Variants in CNTNAP2 observed in about 807,000 individuals in gnomAD.
The protein encoded by CNTNAP2 is contactin-associated protein-like 2.
CNTNAP2 carries 98 observed loss-of-function variants against 155.2 expected under a neutral mutation model. That is an observed-to-expected ratio of 0.63 (90% CI 0.54 to 0.75). CNTNAP2 has a LOEUF of 0.75. Among genes scored for constraint, CNTNAP2 ranks in the 30% least tolerant of loss-of-function variants. CNTNAP2 has a pLI of 0.00. For synonymous variants in CNTNAP2, 651 were observed against 631.2 expected, an observed-to-expected ratio of 1.03 and a Z score of -0.47; for missense variants, 1,727 against 1,688.1, an observed-to-expected ratio of 1.02 and a Z score of -0.40.
chr7:147,225,738 GGAAA>G (rs1487309937), intron 8 of CNTNAP2, among the ~76,000 whole-genome samples: 11 of 128,838 alleles, frequency 8.5e-5, no homozygotes, highest in South Asian at 7.8e-4. Context: ...AAGTTAGGAA[GGAAA>G]GAAGGAAGGA....
At chr7:147,106,648 A>G (rs768837307) in intron 4 of CNTNAP2, among the ~76,000 whole-genome samples, 27 of 152,192 alleles carry the variant, frequency 1.8e-4, no homozygotes, top group Non-Finnish European at 3.4e-4. Context: ...TTGAGATACT[A>G]GCATAGATAT....
intron 15 of CNTNAP2, among the ~76,000 whole-genome samples, chr7:147,983,537 G>A (rs1207428269): frequency 1.3e-5 from 2 of 152,196 alleles, no homozygotes; most frequent in Non-Finnish European, 2.9e-5. Context: ...CCAAGGTACA[G>A]GCTCAAGAGG....
At chr7:147,664,470 T>C (rs542569058) in intron 13 of CNTNAP2, among the ~76,000 whole-genome samples, 1 of 152,328 alleles carries the variant, frequency 6.6e-6, no homozygotes, top group East Asian at 1.9e-4. Context: ...CTCCTTGCAT[T>C]CTTTTGGTTT....
At chr7:147,003,484 A>G (rs1798466717) in intron 3 of CNTNAP2, among the ~76,000 whole-genome samples, 2 of 152,062 alleles carry the variant, frequency 1.3e-5, no homozygotes, top group Admixed American at 1.3e-4. Context: ...CAAAAAAGGC[A>G]GGATAACTAA....
rs555015008 is a variant in CNTNAP2 at position 147,904,328 on chromosome 7, G to T, written c.2255+607G>T. Among the ~76,000 whole-genome samples, 50 of 152,264 alleles carry T rather than the reference G, an allele frequency of 3.3e-4. 1 individual carries two copies. The highest frequency in any genetic ancestry group is 1.1e-3 in the African/African-American group (47 of 41,550). On this transcript the variant is annotated intron_variant, in intron 14 of 23. Transcript: ENST00000361727. ...TTCTTCGATCCCTTTGCTGGCTTTT[G>T]TTCTGCCCCGCAGTGAATAGCTGGG...
chr7:146,655,728 G>C (rs1799986158), intron 1 of CNTNAP2, among the ~76,000 whole-genome samples: 1 of 152,028 alleles, frequency 6.6e-6, no homozygotes, highest in East Asian at 1.9e-4. Context: ...AAAATGTATT[G>C]CTATTTGATT....
intron 15 of CNTNAP2, among the ~76,000 whole-genome samples, chr7:147,981,007 A>T (rs1234085221): frequency 6.6e-6 from 1 of 151,094 alleles, no homozygotes; most frequent in East Asian, 1.9e-4. Flanking sequence ...TATCAACTGC[A>T]TTTTCCAGTT....
intron 1 of CNTNAP2, among the ~76,000 whole-genome samples, chr7:146,354,411 A>ATTTTTTTT (rs10641636): frequency 8.9e-5 from 12 of 135,346 alleles, no homozygotes; most frequent in Non-Finnish European, 9.4e-5. Flanking sequence ...TCTTGTTAGT[A>ATTTTTTTT]TTTTTTTTTT....
At chr7:148,346,582 G>T (rs1001551659) in intron 21 of CNTNAP2, among the ~76,000 whole-genome samples, 2 of 151,922 alleles carry the variant, frequency 1.3e-5, no homozygotes, top group Non-Finnish European at 2.9e-5. Context: ...GACCAGCCCG[G>T]CCAACATGGT....
At chr7:148,228,332 GT>G (rs970690682) in intron 19 of CNTNAP2, among the ~76,000 whole-genome samples, 1 of 151,984 alleles carries the variant, frequency 6.6e-6, no homozygotes, top group Non-Finnish European at 1.5e-5. Context: ...TTTCAATATT[GT>G]TTTTTATTGT....
chr7:147,593,466 G>T (rs1469516267), intron 12 of CNTNAP2, among the ~76,000 whole-genome samples: 1 of 151,818 alleles, frequency 6.6e-6, no homozygotes, highest in East Asian at 1.9e-4. Context: ...GATTTCACAG[G>T]TTCTTCAGTT....
intron 1 of CNTNAP2, among the ~76,000 whole-genome samples, chr7:146,330,795 C>T (rs1801172401): frequency 6.6e-6 from 1 of 152,122 alleles, no homozygotes; most frequent in Non-Finnish European, 1.5e-5. Context: ...AAGGCAGCTA[C>T]AATTTTTAAA....
In CNTNAP2 at chr7:146,758,336, C is replaced by T. The variant is rs539289951; in HGVS notation, c.98-15935C>T. On this transcript the variant is annotated intron_variant, in intron 1 of 23. Coordinates refer to ENST00000361727, the MANE Select transcript of CNTNAP2 (RefSeq NM_014141.6). The stretch of plus-strand genomic sequence containing the variant: ...ATCTCTAGATTGTAGTGCTTCTCTT[C>T]TCATGCACTCCTGGCTGTGTGAACA... Among the ~76,000 whole-genome samples, 8 of 152,238 alleles carry T rather than the reference C, an allele frequency of 5.3e-5. No individual in the cohort carries two copies. In the East Asian group the frequency reaches 1.5e-3, roughly 29 times the overall value.
intron 1 of CNTNAP2, among the ~76,000 whole-genome samples, chr7:146,754,794 ATCTGTT>A (rs72282842): frequency 0.033 from 4,937 of 151,824 alleles, 265 homozygotes; most frequent in African/African-American, 0.11. Context: ...TTTTTAGGTG[ATCTGTT>A]TCTAAGAAGT....
intron 13 of CNTNAP2, among the ~76,000 whole-genome samples, chr7:147,684,965 T>C (rs972213069): frequency 2.6e-5 from 4 of 152,006 alleles, no homozygotes; most frequent in African/African-American, 9.7e-5. Context: ...GTTTTACAGA[T>C]GGGTAGATCA....
At chr7:146,180,922 T>C (rs570671581) in intron 1 of CNTNAP2, among the ~76,000 whole-genome samples, 47 of 152,302 alleles carry the variant, frequency 3.1e-4, no homozygotes, top group Non-Finnish European at 5.0e-4. Flanking sequence ...TTGTAGACTG[T>C]GTTTGAACAC....
chr7:146,350,133 C>T (rs1483363955), intron 1 of CNTNAP2, among the ~76,000 whole-genome samples: 1 of 152,164 alleles, frequency 6.6e-6, no homozygotes, highest in African/African-American at 2.4e-5. Context: ...GGTCTTTTCA[C>T]ATAGTCCCAT....
At chr7:146,393,793 T>C (rs1303231354) in intron 1 of CNTNAP2, among the ~76,000 whole-genome samples, 2 of 152,148 alleles carry the variant, frequency 1.3e-5, no homozygotes, top group Non-Finnish European at 2.9e-5. Context: ...TTTTTCTGGA[T>C]GGTGAATACA....
At chr7:147,754,304 A>G (rs1797184633) in intron 13 of CNTNAP2, among the ~76,000 whole-genome samples, 1 of 152,228 alleles carries the variant, frequency 6.6e-6, no homozygotes, top group African/African-American at 2.4e-5. Context: ...TCATCATCTT[A>G]AACTTGATAG....
Sources: allele counts gnomAD v4.1 joint callset (sites outside exome capture counted in the v4.1 genomes callset), GRCh38; gene constraint gnomAD v4.1.1; transcripts MANE v1.5; gene names NCBI Gene and HGNC (gene_info 2026-07-23, HGNC 2026-07-21).